The following PHLPP1 variants were observed in gnomAD, a reference collection of about 807,000 sequenced individuals.
PHLPP1 encodes the protein PH domain and leucine rich repeat protein phosphatase 1.
In PHLPP1, 42 loss-of-function variants were observed where a neutral mutation model predicts 117.2. The ratio of observed to expected loss-of-function variants is 0.36; its 90% CI spans 0.28 to 0.46. The LOEUF (loss-of-function observed/expected upper bound fraction) is 0.46, where lower values mean the gene tolerates loss of function less well. Among genes scored for constraint, PHLPP1 ranks in the 20% least tolerant of loss-of-function variants. PHLPP1 has a pLI of 1.00. For missense variants in PHLPP1, 2,084 were observed against 2,241.9 expected (o/e 0.93, Z 1.42); for synonymous variants, 1,042 against 970.7 (o/e 1.07, Z -1.37).
chr18:62,862,437 T>G (rs944355537), intron 4 of PHLPP1, among the ~76,000 whole-genome samples: 2 of 152,190 alleles, frequency 1.3e-5, no homozygotes, highest in Non-Finnish European at 2.9e-5. Flanking sequence ...GTTGTTAAGC[T>G]TACTGTGGAA....
At chr18:62,800,890 G>A (rs1913758085) in intron 1 of PHLPP1, among the ~76,000 whole-genome samples, 1 of 152,086 alleles carries the variant, frequency 6.6e-6, no homozygotes, top group Non-Finnish European at 1.5e-5. Flanking sequence ...TGGTGGAGGA[G>A]ACATAGAGAG....
intron 1 of PHLPP1, among the ~76,000 whole-genome samples, chr18:62,763,010 C>A (rs1042745080): frequency 6.6e-6 from 1 of 152,138 alleles, no homozygotes; most frequent in Non-Finnish European, 1.5e-5. Flanking sequence ...TACTTTTTAA[C>A]ACTCCTTTAA....
chr18:62,801,924 C>T (rs1913796373), intron 1 of PHLPP1, among the ~76,000 whole-genome samples: 1 of 152,158 alleles, frequency 6.6e-6, no homozygotes, highest in Non-Finnish European at 1.5e-5. Flanking sequence ...CACTCCTAGT[C>T]TCTAGGAACA....
intron 1 of PHLPP1, among the ~76,000 whole-genome samples, chr18:62,743,888 A>G (rs142585290): frequency 1.4e-4 from 22 of 152,046 alleles, no homozygotes; most frequent in Middle Eastern, 6.8e-3. Flanking sequence ...TGGTGGTTAC[A>G]TTGAAATTTT....
intron 1 of PHLPP1, among the ~76,000 whole-genome samples, chr18:62,751,376 G>C (rs1911848716): frequency 6.6e-6 from 1 of 152,146 alleles, no homozygotes; most frequent in Admixed American, 6.5e-5. Context: ...TTGACCTCTA[G>C]GTAGGAGAGA....
At chr18:62,743,097 A>G (rs977255656) in intron 1 of PHLPP1, among the ~76,000 whole-genome samples, 1 of 152,136 alleles carries the variant, frequency 6.6e-6, no homozygotes, top group African/African-American at 2.4e-5. Flanking sequence ...TTATCCATAA[A>G]CAAGAGAGGT....
intron 3 of PHLPP1, among the ~76,000 whole-genome samples, chr18:62,849,611 T>C (rs1479490996): frequency 1.4e-5 from 2 of 142,256 alleles, no homozygotes; most frequent in Non-Finnish European, 3.0e-5. Context: ...GATCGCACCA[T>C]TGCACTCCAG....
At chr18:62,802,478 A>G (rs960512638) in intron 1 of PHLPP1, among the ~76,000 whole-genome samples, 2 of 152,342 alleles carry the variant, frequency 1.3e-5, no homozygotes, top group African/African-American at 2.4e-5. Context: ...TCACAGTTAC[A>G]GTATTTATGG....
At chr18:62,968,968 G>T (rs1301175584) in intron 14 of PHLPP1, among the ~76,000 whole-genome samples, 1 of 152,090 alleles carries the variant, frequency 6.6e-6, no homozygotes, top group East Asian at 1.9e-4. Context: ...TATTCTCAAA[G>T]AACTAGATTT....
chr18:62,842,703 C>T (rs562031129), intron 3 of PHLPP1, among the ~76,000 whole-genome samples: 6 of 152,218 alleles, frequency 3.9e-5, no homozygotes, highest in Admixed American at 6.5e-5. Flanking sequence ...TTTCCCTTCT[C>T]CAATTTTAAA....
In PHLPP1 at chr18:62,979,690, A is replaced by C; in HGVS notation, c.*259A>C. On this transcript the variant is annotated 3_prime_UTR_variant, in exon 17 of 17. Coordinates refer to ENST00000262719, the MANE Select transcript of PHLPP1 (RefSeq NM_194449.4). Reference sequence around the variant, plus strand: ...CTAACATATCAGATATGTAAAGACAAAGAACAAAAGGTTTAATATATTACA... The same window carrying C: ...CTAACATATCAGATATGTAAAGACACAGAACAAAAGGTTTAATATATTACA... 4.1e-6 allele frequency: 2 copies of C among 492,060 alleles called. No individual in the cohort carries two copies. 30.5% of individuals were successfully genotyped at this position (492,060 alleles called of 1,614,324 possible).
chr18:62,832,749 G>GTT lies in PHLPP1; in HGVS notation c.1773+2526_1773+2527dup, dbSNP rs33987221. ...CTTTCATTAATTTTTGTCTGTTGTT[G>GTT]TTTTTTTTTATCCTGTTCTATTGTT... is the stretch of plus-strand genomic sequence containing the variant. On this transcript the variant is annotated intron_variant, in intron 2 of 16. Coordinates refer to ENST00000262719, the MANE Select transcript of PHLPP1 (RefSeq NM_194449.4). Among the ~76,000 whole-genome samples, 9 of 150,560 alleles carry GTT rather than the reference G, an allele frequency of 6.0e-5. No homozygotes were observed. In the South Asian group the frequency reaches 8.4e-4, roughly 14 times the overall value.
At chr18:62,889,784 T>C (rs1461409596) in intron 4 of PHLPP1, 1 of 152,252 alleles carries the variant, frequency 6.6e-6, no homozygotes, top group Non-Finnish European at 1.5e-5. Context: ...GAATATAATA[T>C]GAGCCACATG....
chr18:62,823,259 T>C (rs926318659), intron 1 of PHLPP1, among the ~76,000 whole-genome samples: 8 of 152,236 alleles, frequency 5.3e-5, no homozygotes, highest in African/African-American at 1.9e-4. Flanking sequence ...GGAGAAAATA[T>C]TTGCAAGTCA....
At chr18:62,819,755 C>T (rs1449730245) in intron 1 of PHLPP1, among the ~76,000 whole-genome samples, 1 of 152,158 alleles carries the variant, frequency 6.6e-6, no homozygotes, top group African/African-American at 2.4e-5. Context: ...AAGCGATTCT[C>T]CTGCCTCAGC....
At chr18:62,778,940 A>G (rs544107358) in intron 1 of PHLPP1, among the ~76,000 whole-genome samples, 72 of 152,356 alleles carry the variant, frequency 4.7e-4, no homozygotes, top group Non-Finnish European at 8.7e-4. Flanking sequence ...GTAGGCTTGT[A>G]TATTGTTAAT....
At position 62,715,702 on chromosome 18, in the gene PHLPP1, G is replaced by GCCGCCT. The variant is rs1910696327; in HGVS notation, c.21_22insGCCTCC (p.Ala7_Thr8insAlaSer). The GCCGCCT allele has an allele frequency of 7.8e-7, 1 of 1,281,290 alleles. No homozygotes were observed. Among genetic ancestry groups the GCCGCCT allele is most frequent in the Admixed American group, 3.5e-5 (1 of 28,594 alleles). 79.4% of individuals were successfully genotyped at this position (1,281,290 alleles called of 1,614,324 possible). Reference sequence around the variant, plus strand: ...CACTGCAATGGAGCCCGCCGCCGCGGCCACGGTACAGCGACTCCCCGAGCT... The same window carrying GCCGCCT: ...CACTGCAATGGAGCCCGCCGCCGCGGCCGCCTCCACGGTACAGCGACTCCCCGAGCT... On this transcript the variant is annotated inframe_insertion, in exon 1 of 17. Coordinates refer to ENST00000262719, the MANE Select transcript of PHLPP1 (RefSeq NM_194449.4).
At chr18:62,756,623 C>T (rs1175701787) in intron 1 of PHLPP1, among the ~76,000 whole-genome samples, 4 of 152,132 alleles carry the variant, frequency 2.6e-5, no homozygotes, top group African/African-American at 9.7e-5. Context: ...TATGCTGCTG[C>T]GGCGGTTCTA....
intron 1 of PHLPP1, chr18:62,826,174 A>G: frequency 6.7e-6 from 2 of 298,436 alleles, no homozygotes; most frequent in Non-Finnish European, 1.4e-5. Flanking sequence ...TTTTTTCTGG[A>G]GGTCCATTGC....
Sources: allele counts gnomAD v4.1 joint callset (sites outside exome capture counted in the v4.1 genomes callset), GRCh38; gene constraint gnomAD v4.1.1; transcripts MANE v1.5; gene names NCBI Gene and HGNC (gene_info 2026-07-23, HGNC 2026-07-21).